The following DSCAM variants were observed in gnomAD, a reference collection of about 807,000 sequenced individuals.
DSCAM encodes DS cell adhesion molecule, also known as cell adhesion molecule DSCAM.
In DSCAM, 47 loss-of-function variants were observed where a neutral mutation model predicts 217.7. The ratio of observed to expected loss-of-function variants is 0.22; its 90% CI spans 0.17 to 0.28. The LOEUF is 0.28. Among genes scored for constraint, DSCAM ranks in the 10% least tolerant of loss-of-function variants. The pLI, the probability that DSCAM is intolerant of heterozygous loss-of-function variation, is 1.00. For missense variants in DSCAM, 2,080 were observed against 2,618.3 expected (o/e 0.79, Z 4.49); for synonymous variants, 1,056 against 1,015.3 (o/e 1.04, Z -0.76).
intron 16 of DSCAM, among the ~76,000 whole-genome samples, chr21:40,151,844 G>A (rs1185952205): frequency 1.3e-5 from 2 of 152,204 alleles, no homozygotes; most frequent in Non-Finnish European, 2.9e-5. Context: ...AAGGATGACA[G>A]GTTGAGGCAG....
chr21:40,591,942 G>A (rs1432975372), intron 3 of DSCAM, among the ~76,000 whole-genome samples: 3 of 152,166 alleles, frequency 2.0e-5, no homozygotes, highest in Admixed American at 2.0e-4. Flanking sequence ...GAAAGGGACA[G>A]GGTCTTACTT....
intron 11 of DSCAM, among the ~76,000 whole-genome samples, chr21:40,216,690 A>G (rs1312054212): frequency 6.6e-6 from 1 of 152,232 alleles, no homozygotes; most frequent in East Asian, 1.9e-4. Context: ...CAGATTTTGC[A>G]CCTGGCAGAT....
Position 40,201,425 on chromosome 21 carries a change from G to T in DSCAM, c.2357-12187C>A, listed in dbSNP as rs146726821. Among the ~76,000 whole-genome samples the T allele has an allele frequency of 2.6e-3, 388 of 150,674 alleles. 1 individual carries two copies. Among genetic ancestry groups the T allele is most frequent in the African/African-American group, 9.2e-3 (378 of 40,870 alleles). Reference sequence around the variant, plus strand: ...GTTCTGTACATAGGTACTATATTTTGCCCAATAAGAAAGCTTCTTATTTAT... The same window carrying T: ...GTTCTGTACATAGGTACTATATTTTTCCCAATAAGAAAGCTTCTTATTTAT... On this transcript the variant is annotated intron_variant, in intron 11 of 32. Coordinates refer to ENST00000400454, the MANE Select transcript of DSCAM (RefSeq NM_001389.5).
chr21:40,813,116 T>G (rs758070364), intron 1 of DSCAM, among the ~76,000 whole-genome samples: 1 of 152,170 alleles, frequency 6.6e-6, no homozygotes, highest in Non-Finnish European at 1.5e-5. Context: ...TACAAAAAGC[T>G]CATGCGCATA....
chr21:40,316,005 G>A (rs1953898506), intron 8 of DSCAM, among the ~76,000 whole-genome samples: 1 of 152,110 alleles, frequency 6.6e-6, no homozygotes, highest in Non-Finnish European at 1.5e-5. Flanking sequence ...ATTGCCCTTA[G>A]TAGTCAGCAT....
chr21:40,291,242 A>T (rs764379522), intron 10 of DSCAM, among the ~76,000 whole-genome samples: 2 of 152,248 alleles, frequency 1.3e-5, no homozygotes, highest in Non-Finnish European at 2.9e-5. Flanking sequence ...GCCTTAGAAC[A>T]GCTCTCCGGC....
intron 3 of DSCAM, among the ~76,000 whole-genome samples, chr21:40,450,657 G>T (rs1342966223): frequency 1.3e-5 from 2 of 152,146 alleles, no homozygotes; most frequent in Non-Finnish European, 2.9e-5. Flanking sequence ...TCTTTCATAG[G>T]CATGAAGTTT....
intron 27 of DSCAM, among the ~76,000 whole-genome samples, chr21:40,066,592 T>A (rs1326126347): frequency 6.6e-6 from 1 of 152,222 alleles, no homozygotes; most frequent in Non-Finnish European, 1.5e-5. Flanking sequence ...ATTATACGTG[T>A]TGCAAATGAA....
At chr21:40,836,601 A>G (rs1471242819) in intron 1 of DSCAM, among the ~76,000 whole-genome samples, 1 of 152,216 alleles carries the variant, frequency 6.6e-6, no homozygotes, top group Non-Finnish European at 1.5e-5. Context: ...CAGTTCATCG[A>G]GATGTACTTG....
rs576640169 is a variant in DSCAM at position 40,438,969 on chromosome 21, C to G, written c.509-69724G>C. On this transcript the variant is annotated intron_variant, in intron 3 of 32. Coordinates refer to ENST00000400454, the MANE Select transcript of DSCAM (RefSeq NM_001389.5). ...ATGTTCTTAAAAAACCAGTATATTT[C>G]AATAATTTTTCAGCAGATGAAAGTG... 1.6e-3 allele frequency among the ~76,000 whole-genome samples: 239 copies of G among 152,062 alleles called. 2 individuals carry two copies. Among genetic ancestry groups the G allele is most frequent in the African/African-American group, 5.1e-3 (213 of 41,456 alleles).
intron 1 of DSCAM, among the ~76,000 whole-genome samples, chr21:40,788,229 C>T (rs530190427): frequency 6.6e-6 from 1 of 152,308 alleles, no homozygotes; most frequent in South Asian, 2.1e-4. Flanking sequence ...AACTAGATTT[C>T]TGTGCTCTGA....
chr21:40,146,797 T>C (rs1320305696), intron 16 of DSCAM, among the ~76,000 whole-genome samples: 1 of 152,214 alleles, frequency 6.6e-6, no homozygotes, highest in African/African-American at 2.4e-5. Flanking sequence ...CTCCTCTGAA[T>C]CCACAGATGT....
At chr21:40,794,715 A>G (rs2091676087) in intron 1 of DSCAM, among the ~76,000 whole-genome samples, 1 of 151,044 alleles carries the variant, frequency 6.6e-6, no homozygotes. Flanking sequence ...TGACCTGGAT[A>G]GCTGGTCTGC....
At chr21:40,434,773 C>T (rs1050576305) in intron 3 of DSCAM, among the ~76,000 whole-genome samples, 1 of 152,100 alleles carries the variant, frequency 6.6e-6, no homozygotes, top group East Asian at 1.9e-4. Context: ...ATTATCAATA[C>T]AACATGTGTC....
At chr21:40,193,321 G>A (rs1011168915) in intron 11 of DSCAM, among the ~76,000 whole-genome samples, 2 of 150,972 alleles carry the variant, frequency 1.3e-5, no homozygotes, top group Non-Finnish European at 3.0e-5. Context: ...CTTTCTGTTT[G>A]GCCTCAATCC....
intron 3 of DSCAM, among the ~76,000 whole-genome samples, chr21:40,390,106 G>A (rs2075120634): frequency 6.6e-6 from 1 of 152,194 alleles, no homozygotes; most frequent in South Asian, 2.1e-4. Context: ...GGAGAGGCTG[G>A]AGCTGTCTCA....
At chr21:40,214,412 G>T (rs2091219528) in intron 11 of DSCAM, among the ~76,000 whole-genome samples, 1 of 152,028 alleles carries the variant, frequency 6.6e-6, no homozygotes, top group Non-Finnish European at 1.5e-5. Flanking sequence ...TATTTACATT[G>T]GGTTTTTCTT....
At chr21:40,717,109 A>G (rs1420617786) in intron 1 of DSCAM, among the ~76,000 whole-genome samples, 2 of 152,246 alleles carry the variant, frequency 1.3e-5, no homozygotes, top group Admixed American at 1.3e-4. Context: ...TGCACAGCTA[A>G]AAGTGTTGCA....
intron 3 of DSCAM, among the ~76,000 whole-genome samples, chr21:40,687,234 C>T (rs2090489175): frequency 6.6e-6 from 1 of 152,150 alleles, no homozygotes; most frequent in East Asian, 1.9e-4. Flanking sequence ...TAAAGAAATG[C>T]TTCTTTAATT....
Sources: allele counts gnomAD v4.1 joint callset (sites outside exome capture counted in the v4.1 genomes callset), GRCh38; gene constraint gnomAD v4.1.1; transcripts MANE v1.5; gene names NCBI Gene and HGNC (gene_info 2026-07-23, HGNC 2026-07-21).